The following DNAH7 variants were observed in gnomAD, a reference collection of about 807,000 sequenced individuals.
DNAH7 encodes dynein axonemal heavy chain 7, also known as axonemal beta dynein heavy chain 7.
Under a neutral mutation model 444.6 loss-of-function variants are expected in DNAH7, and 397 were observed. The observed-to-expected ratio is 0.89, with a 90% CI of 0.82 to 0.97. DNAH7 has a LOEUF of 0.97. Among genes scored for constraint, DNAH7 ranks in the 50% least tolerant of loss-of-function variants. The pLI, the probability that DNAH7 is intolerant of heterozygous loss-of-function variation, is 0.00. For synonymous variants in DNAH7, 1,636 were observed against 1,624.4 expected, an observed-to-expected ratio of 1.01 and a Z score of -0.17; for missense variants, 4,902 against 4,800.8, an observed-to-expected ratio of 1.02 and a Z score of -0.62.
rs78168624 is a variant in DNAH7 at position 196,004,137 on chromosome 2, A to G, written c.990-2279T>C. Among the ~76,000 whole-genome samples, 10 of 152,350 alleles carry G rather than the reference A, an allele frequency of 6.6e-5. No homozygotes were observed. The East Asian group carries it at 1.9e-3, about 29-fold the overall frequency. On this transcript the variant is annotated intron_variant, in intron 10 of 64. Coordinates refer to ENST00000312428, the MANE Select transcript of DNAH7 (RefSeq NM_018897.3). Reference sequence around the variant, plus strand: ...TACAGAAAACCTTTAAAGGCATATTAAGAAATATGGACTTACTTTCTCAAC... The same window carrying G: ...TACAGAAAACCTTTAAAGGCATATTGAGAAATATGGACTTACTTTCTCAAC...
intron 15 of DNAH7, among the ~76,000 whole-genome samples, chr2:195,973,911 C>A (rs763488678): frequency 6.6e-6 from 1 of 152,004 alleles, no homozygotes; most frequent in Admixed American, 6.6e-5. Flanking sequence ...CCCGTCTCTA[C>A]TAAAAATATA....
chr2:195,750,304 A>T (rs1693720024), intron 63 of DNAH7, among the ~76,000 whole-genome samples: 1 of 152,214 alleles, frequency 6.6e-6, no homozygotes, highest in Non-Finnish European at 1.5e-5. Flanking sequence ...TGGGCAACAC[A>T]ATAGTTTGAT....
At chr2:195,964,479 T>A (rs971467199) in intron 17 of DNAH7, among the ~76,000 whole-genome samples, 1 of 151,948 alleles carries the variant, frequency 6.6e-6, no homozygotes, top group Non-Finnish European at 1.5e-5. Context: ...GATTTTTGTA[T>A]GTCAATTTTG....
chr2:195,865,348 A>C (rs1700266658), intron 40 of DNAH7, among the ~76,000 whole-genome samples: 1 of 152,156 alleles, frequency 6.6e-6, no homozygotes, highest in South Asian at 2.1e-4. Flanking sequence ...TCAGATGTGG[A>C]TAGCAGAGCT....
Position 196,024,466 on chromosome 2 carries a change from C to G in DNAH7, c.706G>C (p.Asp236His). 2 of 1,584,218 alleles carry G rather than the reference C, an allele frequency of 1.3e-6. No homozygotes were observed. The highest frequency in any genetic ancestry group is 1.7e-6 in the Non-Finnish European group (2 of 1,167,936). ...GCTGGAAGTTCATCTGTCTTCTTAT[C>G]ATCTCCTTTCTCTCGAGGATCTTTT... ...VLKDPREKGD[D>H]KKTDELPAHR... Residue 236 changes from aspartate (D) to histidine (H), a missense_variant, in exon 8 of 65, where the codon GAT becomes CAT. Coordinates refer to ENST00000312428, the MANE Select transcript of DNAH7 (RefSeq NM_018897.3).
At position 195,921,585 on chromosome 2, in the gene DNAH7, G is replaced by A. The variant is rs909849711; in HGVS notation, c.3935+503C>T. ...TAAGAATGGCACAATGGACTTTAGC[G>A]ACTTGAGGAGAAGGGTGAGAGTGGG... On this transcript the variant is annotated intron_variant, in intron 24 of 64. Transcript: ENST00000312428. Among the ~76,000 whole-genome samples the A allele has an allele frequency of 9.2e-5, 14 of 152,210 alleles. No individual in the cohort carries two copies. The East Asian group carries it at 1.9e-3, about 21-fold the overall frequency.
At chr2:195,821,487 A>G (rs1460766430) in intron 49 of DNAH7, among the ~76,000 whole-genome samples, 4 of 152,196 alleles carry the variant, frequency 2.6e-5, no homozygotes, top group Admixed American at 2.0e-4. Flanking sequence ...ATAGGGACTT[A>G]ACAAACATAA....
At chr2:195,793,057 G>C (rs1451409292) in intron 57 of DNAH7, among the ~76,000 whole-genome samples, 1 of 151,986 alleles carries the variant, frequency 6.6e-6, no homozygotes, top group African/African-American at 2.4e-5. Flanking sequence ...AGCCTCTCGA[G>C]TAGCTGGGAC....
chr2:195,834,985 T>C (rs1318744685), intron 47 of DNAH7, among the ~76,000 whole-genome samples: 1 of 152,218 alleles, frequency 6.6e-6, no homozygotes, highest in Non-Finnish European at 1.5e-5. Flanking sequence ...GTGTCATATA[T>C]GTAGTTCATT....
chr2:196,060,856 A>G (rs1698094715), intron 1 of DNAH7, among the ~76,000 whole-genome samples: 1 of 152,120 alleles, frequency 6.6e-6, no homozygotes, highest in Admixed American at 6.6e-5. Context: ...CTTCCTGAAT[A>G]CTGTCTTCAC....
Position 195,886,254 on chromosome 2 carries a change from C to A in DNAH7, c.5425G>T (p.Asp1809Tyr). The A allele has an allele frequency of 1.2e-6, 2 of 1,611,016 alleles. No individual in the cohort carries two copies. Among genetic ancestry groups the A allele is most frequent in the East Asian group, 2.2e-5 (1 of 44,750 alleles). Reference protein sequence around the residue: ...KHTKELSPTSDTNLVRSLMNL... With the variant: ...KHTKELSPTSYTNLVRSLMNL... ...ATTAAGGACCGGACCAAGTTTGTAT[C>A]GGAAGTAGGAGATAATTCCTGAAAA... is the stretch of plus-strand genomic sequence containing the variant. The change falls in exon 34 of 65, where the codon GAT becomes TAT. Residue 1809 changes from aspartate (D) to tyrosine (Y), a missense_variant. Physicochemically the swap from Asp to Tyr is radical, Grantham distance 160. Transcript: ENST00000312428.
rs1219006738 is a variant in DNAH7 at position 195,987,059 on chromosome 2, T to C, written c.1754+7A>G. On this transcript the variant is annotated splice_region_variant and intron_variant, in intron 14 of 64. Coordinates refer to ENST00000312428, the MANE Select transcript of DNAH7 (RefSeq NM_018897.3). ...AAAAAATAAAAAAACCAGTATCACA[T>C]AAATACCTTGTATTTACTTCCTGAT... 4 of 1,587,190 alleles carry C rather than the reference T, an allele frequency of 2.5e-6. No homozygotes were observed. The highest frequency in any genetic ancestry group is 2.7e-5 in the African/African-American group (2 of 73,368).
chr2:195,895,131 T>G lies in DNAH7; in HGVS notation c.4741A>C (p.Asn1581His). The change falls in exon 30 of 65, where the codon AAT becomes CAT. Residue 1581 changes from asparagine to histidine, a missense_variant. Asn to His is a moderately conservative substitution (Grantham distance 68, BLOSUM62 1). Coordinates refer to ENST00000312428, the MANE Select transcript of DNAH7 (RefSeq NM_018897.3). ...GAAAAGAATGCAGTCATTTGCAAATTCATGGAGGCACAATTGTCTTTGATA... is the reference window on the plus strand; with the variant it reads ...GAAAAGAATGCAGTCATTTGCAAATGCATGGAGGCACAATTGTCTTTGATA... ...AAIKDNCASMNLQMTAFFSEK... is the reference protein window; with the variant it reads ...AAIKDNCASMHLQMTAFFSEK... 1 of 1,613,776 alleles carries G rather than the reference T, an allele frequency of 6.2e-7. No individual in the cohort carries two copies. The highest frequency in any genetic ancestry group is 8.5e-7 in the Non-Finnish European group (1 of 1,179,826).
At chr2:195,754,727 G>A (rs1175521269) in intron 62 of DNAH7, among the ~76,000 whole-genome samples, 2 of 151,976 alleles carry the variant, frequency 1.3e-5, no homozygotes, top group Admixed American at 6.6e-5. Flanking sequence ...TGCCCAGGCT[G>A]GTCTTGAACT....
chr2:195,972,451 C>T lies in DNAH7; in HGVS notation c.1849G>A (p.Val617Met), dbSNP rs576171778. 473 of 1,613,976 alleles carry T rather than the reference C, an allele frequency of 2.9e-4. 3 individuals are homozygous for T. In the South Asian group the frequency reaches 5.0e-3, roughly 17 times the overall value. Residue 617 changes from valine (V) to methionine (M), a missense_variant, in exon 16 of 65, where the codon GTG becomes ATG. By Grantham distance (21) the Val-to-Met change is conservative. Coordinates refer to ENST00000312428, the MANE Select transcript of DNAH7 (RefSeq NM_018897.3). The stretch of plus-strand genomic sequence containing the variant: ...AGTTCAATCATATCAGTTACCTCCA[C>T]TTTCTGAATGTAAGCCTGAGGGAAA... ...LMEMKAYIQK[V>M]EVTDMIELEQ...
At chr2:196,057,688 T>C (rs1390458754) in intron 2 of DNAH7, among the ~76,000 whole-genome samples, 1 of 152,210 alleles carries the variant, frequency 6.6e-6, no homozygotes, top group Non-Finnish European at 1.5e-5. Flanking sequence ...GCTGAGCTCT[T>C]AAAATGTTTC....
At chr2:195,829,939 A>AATTTTAAATTTTTTAAAAATTTAAAGC (rs1316782675) in intron 48 of DNAH7, among the ~76,000 whole-genome samples, 47 of 152,206 alleles carry the variant, frequency 3.1e-4, no homozygotes, top group Non-Finnish European at 1.3e-4. Context: ...CTCACCGGAA[A>AATTTTAAATTTTTTAAAAATTTAAAGC]ATTTTAAATT....
chr2:195,873,402 G>A (rs903380226), intron 39 of DNAH7, among the ~76,000 whole-genome samples, 166 bp downstream of exon 39: 4 of 152,124 alleles, frequency 2.6e-5, no homozygotes, highest in African/African-American at 7.2e-5. Flanking sequence ...TTTGTGTTAT[G>A]CTCCCACACT....
chr2:195,984,689 C>T lies in DNAH7; in HGVS notation c.1776G>A (p.Arg592=). ...VNTRLCDEFE[R]IAEKALSTPP... is the part of the protein sequence containing the mutation. Reference sequence around the variant, plus strand: ...GAGTGCTAAGAGCTTTTTCAGCTATCCTCTCAAATTCATCGCATAATCTGA... The same window carrying T: ...GAGTGCTAAGAGCTTTTTCAGCTATTCTCTCAAATTCATCGCATAATCTGA... Residue 592 remains arginine, a synonymous_variant, in exon 15 of 65, where the codon AGG becomes AGA. Transcript: ENST00000312428. The T allele has an allele frequency of 6.2e-7, 1 of 1,613,882 alleles. No homozygotes were observed. The highest frequency in any genetic ancestry group is 8.5e-7 in the Non-Finnish European group (1 of 1,179,926).
Sources: allele counts gnomAD v4.1 joint callset (sites outside exome capture counted in the v4.1 genomes callset), GRCh38; gene constraint gnomAD v4.1.1; transcripts MANE v1.5; gene names NCBI Gene and HGNC (gene_info 2026-07-23, HGNC 2026-07-21).